Variants in UBE2T observed in about 807,000 individuals in gnomAD.
UBE2T encodes the protein ubiquitin conjugating enzyme E2 T.
A neutral mutation model predicts 23.3 loss-of-function variants in UBE2T; 15 were observed. That is an observed-to-expected ratio of 0.64 (90% confidence interval 0.43 to 0.99). UBE2T has a LOEUF of 0.99. Among genes scored for constraint, UBE2T ranks in the 50% least tolerant of loss-of-function variants. UBE2T has a pLI of 0.00. For synonymous variants in UBE2T, 67 were observed against 78.4 expected, an observed-to-expected ratio of 0.85 and a Z score of 0.77; for missense variants, 197 against 234.9, an observed-to-expected ratio of 0.84 and a Z score of 1.05.
In UBE2T at chr1:202,335,652, G is replaced by A. The variant is rs767502640; in HGVS notation, c.103C>T (p.Arg35Ter). The change falls in exon 2 of 7, where the codon CGA becomes TGA. Residue 35 changes from arginine to a stop codon, truncating the protein, a stop_gained. Coordinates refer to ENST00000646651, the MANE Select transcript of UBE2T (RefSeq NM_014176.4). LOFTEE classifies it high-confidence loss of function. This position sits in a 1 kb window ranked among gnomAD's most constrained non-coding sequence, Gnocchi z 4.0. ...TACATGATTTGATACCTACGAGCTC[G>A]CAGGTCATCCATTTGGTCTTTATCT... ...WQDKDQMDDL[R>*]AQILGGANTP... The A allele has an allele frequency of 6.2e-6, 10 of 1,613,836 alleles. No individual in the cohort carries two copies. Among genetic ancestry groups the A allele is most frequent in the African/African-American group, 5.3e-5 (4 of 75,004 alleles).
In UBE2T at chr1:202,335,695, T is replaced by C; in HGVS notation, c.60A>G (p.Pro20=). The change falls in exon 2 of 7, where the codon CCA becomes CCG. Residue 20 remains proline (P), a synonymous_variant. Transcript: ENST00000646651. This position sits in a 1 kb window ranked among gnomAD's most constrained non-coding sequence, Gnocchi z 4.0. ...ELHMLATEPP[P]GITCWQDKDQ... ...CTTTATCTTGCCAACATGTGATGCC[T>C]GGGGGTGGCTCTGTGGCTAACATGT... 6.2e-7 allele frequency: 1 copy of C among 1,614,060 alleles called. No individual in the cohort carries two copies. Among genetic ancestry groups the C allele is most frequent in the African/African-American group, 1.3e-5 (1 of 75,040 alleles).
intron 1 of UBE2T, among the ~76,000 whole-genome samples, chr1:202,340,799 G>A (rs1009908989): frequency 1.3e-5 from 2 of 152,140 alleles, no homozygotes; most frequent in African/African-American, 4.8e-5. Flanking sequence ...GAACAAGCAA[G>A]ACAATTTCTC....
At chr1:202,341,656 C>T (rs1392583038) in intron 1 of UBE2T, among the ~76,000 whole-genome samples, 1 of 148,552 alleles carries the variant, frequency 6.7e-6, no homozygotes, top group Non-Finnish European at 1.5e-5. Context: ...TATGTCCCTT[C>T]TAGTGGCAAA....
intron 1 of UBE2T, among the ~76,000 whole-genome samples, chr1:202,337,089 C>G (rs1040789548): frequency 6.6e-6 from 1 of 152,088 alleles, no homozygotes; most frequent in Non-Finnish European, 1.5e-5. Context: ...ATTACAGACG[C>G]CCGCCACCAC....
intron 1 of UBE2T, among the ~76,000 whole-genome samples, chr1:202,337,691 CTG>C (rs1654918319): frequency 6.6e-6 from 1 of 152,186 alleles, no homozygotes; most frequent in Non-Finnish European, 1.5e-5. Flanking sequence ...CAATACTCCA[CTG>C]TTTGAATTAC....
At chr1:202,334,485 T>C (rs1654838384) in intron 3 of UBE2T, among the ~76,000 whole-genome samples, 1 of 152,166 alleles carries the variant, frequency 6.6e-6, no homozygotes, top group Non-Finnish European at 1.5e-5. Context: ...ATCATGAGTT[T>C]ACCTATATAA....
In UBE2T at chr1:202,331,664, T is replaced by A; in HGVS notation, c.*171A>T. On this transcript the variant is annotated 3_prime_UTR_variant, in exon 7 of 7. Coordinates refer to ENST00000646651, the MANE Select transcript of UBE2T (RefSeq NM_014176.4). ...TTCAGGATAAACACATACTCAACATTAAATGACTATTTATTTTTCAGGTTT... is the reference window on the plus strand; with the variant it reads ...TTCAGGATAAACACATACTCAACATAAAATGACTATTTATTTTTCAGGTTT... The A allele has an allele frequency of 1.3e-6, 1 of 791,766 alleles. No homozygotes were observed. Among genetic ancestry groups the A allele is most frequent in the Non-Finnish European group, 2.0e-6 (1 of 512,222 alleles). 49.0% of individuals were successfully genotyped at this position (791,766 alleles called of 1,614,324 possible). A position where few individuals can be genotyped will look rare whatever the true frequency, so the allele number is the denominator to read the frequency against.
Position 202,335,468 on chromosome 1 carries a change from A to T in UBE2T, c.109+178T>A. Reference sequence around the variant, plus strand: ...AGCATAAGGTATAATAAAAAGTCAAAGAAGCAAGAAATGTCAAGCAAACCT... The same window carrying T: ...AGCATAAGGTATAATAAAAAGTCAATGAAGCAAGAAATGTCAAGCAAACCT... On this transcript the variant is annotated intron_variant, in intron 2 of 6. Coordinates refer to ENST00000646651, the MANE Select transcript of UBE2T (RefSeq NM_014176.4). The surrounding 1 kb of genome is among the most constrained non-coding windows in gnomAD (Gnocchi z 4.0). 1 of 627,316 alleles carries T rather than the reference A, an allele frequency of 1.6e-6. No individual in the cohort carries two copies. The highest frequency in any genetic ancestry group is 2.8e-6 in the Non-Finnish European group (1 of 362,918). The allele number at this position is 627,316 out of a possible 1,614,324, so 38.9% of individuals were successfully genotyped here.
At chr1:202,339,337 T>G (rs1210634748) in intron 1 of UBE2T, among the ~76,000 whole-genome samples, 1 of 152,000 alleles carries the variant, frequency 6.6e-6, no homozygotes, top group African/African-American at 2.4e-5. Flanking sequence ...TAATCTGTAG[T>G]TATCTATGGT....
chr1:202,336,665 G>C (rs1053339201), intron 1 of UBE2T, among the ~76,000 whole-genome samples: 1 of 152,114 alleles, frequency 6.6e-6, no homozygotes, highest in African/African-American at 2.4e-5. Flanking sequence ...TTGCTGTTGT[G>C]AGGAAGTCTA....
intron 3 of UBE2T, among the ~76,000 whole-genome samples, chr1:202,333,761 A>G (rs548618136): frequency 2.0e-5 from 3 of 152,156 alleles, no homozygotes; most frequent in African/African-American, 4.8e-5. Context: ...AAACATCCAT[A>G]TATCTACCAC....
chr1:202,335,960 G>A lies in UBE2T; in HGVS notation c.-64-142C>T. 3 of 539,898 alleles carry A rather than the reference G, an allele frequency of 5.6e-6. No individual in the cohort carries two copies. Among genetic ancestry groups the A allele is most frequent in the Non-Finnish European group, 1.0e-5 (3 of 300,464 alleles). 33.4% of individuals were successfully genotyped at this position (539,898 alleles called of 1,614,324 possible). ...ACAGTTTCACTCTGTCACCCAGACT[G>A]GAGGGCAGTGACACCATCTCAGCTC... On this transcript the variant is annotated intron_variant, in intron 1 of 6. Transcript: ENST00000646651. This position sits in a 1 kb window ranked among gnomAD's most constrained non-coding sequence, Gnocchi z 4.0.
chr1:202,335,880 A>G lies in UBE2T; in HGVS notation c.-64-62T>C. ...AATAATGACTATGAAGTTTTCAGCA[A>G]ACAGCTTCAATGTAGTGAGGGTGGG... On this transcript the variant is annotated intron_variant, in intron 1 of 6. Transcript: ENST00000646651. This position sits in a 1 kb window ranked among gnomAD's most constrained non-coding sequence, Gnocchi z 4.0. The G allele has an allele frequency of 1.3e-6, 1 of 783,784 alleles. No homozygotes were observed. Among genetic ancestry groups the G allele is most frequent in the Admixed American group, 2.5e-5 (1 of 40,226 alleles). The allele number at this position is 783,784 out of a possible 1,614,324, so 48.6% of individuals were successfully genotyped here.
At chr1:202,332,942 A>G (rs917973752) in intron 6 of UBE2T, 68 bp downstream of exon 6, 1 of 236,788 alleles carries the variant, frequency 4.2e-6, no homozygotes, top group East Asian at 9.1e-5. Flanking sequence ...AAAAAAAAAC[A>G]TTATTTATAC....
chr1:202,336,964 G>A (rs1482141524), intron 1 of UBE2T, among the ~76,000 whole-genome samples: 1 of 152,078 alleles, frequency 6.6e-6, no homozygotes, highest in Non-Finnish European at 1.5e-5. Flanking sequence ...TTGTTTTTTA[G>A]ACGGAGTCTC....
chr1:202,338,558 A>C (rs1654934863), intron 1 of UBE2T, among the ~76,000 whole-genome samples: 1 of 152,192 alleles, frequency 6.6e-6, no homozygotes, highest in Non-Finnish European at 1.5e-5. Context: ...TAGTAATGCT[A>C]ATGATGAATC....
intron 1 of UBE2T, among the ~76,000 whole-genome samples, chr1:202,337,153 G>T (rs553279311): frequency 2.5e-4 from 38 of 152,192 alleles, no homozygotes; most frequent in Admixed American, 1.2e-3. Context: ...ATCTTGGCCA[G>T]GCTGGTCTTG....
chr1:202,336,672 T>A (rs893307255), intron 1 of UBE2T, among the ~76,000 whole-genome samples: 5 of 152,128 alleles, frequency 3.3e-5, no homozygotes. Context: ...TGTGAGGAAG[T>A]CTACATATGC....
At chr1:202,334,899 A>T in intron 3 of UBE2T, 90 bp downstream of exon 3, 2 of 1,208,786 alleles carry the variant, frequency 1.7e-6, no homozygotes, top group East Asian at 2.5e-5. Context: ...ATTAAAACCT[A>T]GTCCTTTATG....
Sources: allele counts gnomAD v4.1 joint callset (sites outside exome capture counted in the v4.1 genomes callset), GRCh38; gene constraint gnomAD v4.1.1; non-coding constraint Gnocchi (gnomAD v3.1); transcripts MANE v1.5; gene names NCBI Gene and HGNC (gene_info 2026-07-23, HGNC 2026-07-21).